ADAM22: variants seen among roughly 807,000 people sequenced by gnomAD.
The protein encoded by ADAM22 is disintegrin and metalloproteinase domain-containing protein 22.
Under a neutral mutation model 144.6 loss-of-function variants are expected in ADAM22, and 65 were observed. The observed-to-expected ratio is 0.45, with a 90% confidence interval of 0.37 to 0.55. ADAM22 has a LOEUF of 0.55. Among genes scored for constraint, ADAM22 ranks in the 20% least tolerant of loss-of-function variants. ADAM22 has a pLI of 0.00. For synonymous variants in ADAM22, 391 were observed against 412.6 expected, an observed-to-expected ratio of 0.95 and a Z score of 0.63; for missense variants, 974 against 1,184.9, an observed-to-expected ratio of 0.82 and a Z score of 2.61.
intron 16 of ADAM22, 48 bp from the exon 17 acceptor site, chr7:88,145,367 G>A: frequency 6.5e-7 from 1 of 1,540,498 alleles, no homozygotes; most frequent in Non-Finnish European, 8.9e-7. Context: ...TTACTTTCAG[G>A]AAAGTGACAC....
chr7:88,153,721 C>G (rs762868037), intron 21 of ADAM22, among the ~76,000 whole-genome samples: 1 of 152,248 alleles, frequency 6.6e-6, no homozygotes, highest in Admixed American at 6.5e-5. Context: ...TGTCTAGAAG[C>G]CTTAAAGTGA....
chr7:88,101,916 A>G (rs572050244), intron 4 of ADAM22, among the ~76,000 whole-genome samples: 1 of 152,324 alleles, frequency 6.6e-6, no homozygotes, highest in South Asian at 2.1e-4. Context: ...GTCTATAGGG[A>G]GGCTTGAGAA....
chr7:88,122,219 T>C (rs1222936189), intron 7 of ADAM22, among the ~76,000 whole-genome samples: 1 of 152,176 alleles, frequency 6.6e-6, no homozygotes, highest in Non-Finnish European at 1.5e-5. Context: ...CTTTCTCACA[T>C]AGGCCTCTCC....
chr7:88,007,591 G>A (rs1248765445), intron 3 of ADAM22, among the ~76,000 whole-genome samples: 39 of 152,146 alleles, frequency 2.6e-4, no homozygotes, highest in East Asian at 1.7e-3. Context: ...CAGAAATAAC[G>A]CCGCATATCT....
chr7:88,066,130 G>A (rs1266303807), intron 3 of ADAM22, among the ~76,000 whole-genome samples: 1 of 152,124 alleles, frequency 6.6e-6, no homozygotes, highest in Admixed American at 6.6e-5. Context: ...TCTCACTAAT[G>A]ATGGAATTGT....
chr7:88,117,430 G>A (rs572053268), intron 7 of ADAM22, among the ~76,000 whole-genome samples: 1 of 152,158 alleles, frequency 6.6e-6, no homozygotes, highest in Non-Finnish European at 1.5e-5. Context: ...ATTTATTTTA[G>A]GTTGAATAAA....
chr7:87,972,289 A>G (rs1418143807), intron 2 of ADAM22, among the ~76,000 whole-genome samples: 1 of 151,588 alleles, frequency 6.6e-6, no homozygotes, highest in Non-Finnish European at 1.5e-5. Context: ...TACACCAATA[A>G]CAGACAAACA....
intron 3 of ADAM22, among the ~76,000 whole-genome samples, chr7:88,052,427 G>A (rs148243088): frequency 1.1e-3 from 170 of 151,824 alleles, no homozygotes; most frequent in African/African-American, 3.9e-3. Context: ...GAGAACCCGG[G>A]AGGCGTAACT....
chr7:87,994,914 G>A (rs1584896340), intron 3 of ADAM22, among the ~76,000 whole-genome samples: 1 of 151,796 alleles, frequency 6.6e-6, no homozygotes, highest in East Asian at 1.9e-4. Flanking sequence ...TGCAAGCTCC[G>A]CCTCCCGGGT....
At chr7:87,973,760 G>GA (rs1039443051) in intron 2 of ADAM22, among the ~76,000 whole-genome samples, 5 of 152,122 alleles carry the variant, frequency 3.3e-5, no homozygotes, top group African/African-American at 1.2e-4. Flanking sequence ...ATGCAGCCAT[G>GA]AAAAATGATG....
chr7:87,984,144 C>T (rs958175750), intron 3 of ADAM22, among the ~76,000 whole-genome samples: 3 of 152,216 alleles, frequency 2.0e-5, no homozygotes, highest in African/African-American at 4.8e-5. Context: ...AAGCCCCTGC[C>T]GACATTCTTG....
chr7:88,131,644 ATGTT>A (rs1831808657), intron 11 of ADAM22: 1 of 556,216 alleles, frequency 1.8e-6, no homozygotes, highest in Non-Finnish European at 3.2e-6. Context: ...TTATTATTTA[ATGTT>A]TAATTTTTCA....
At chr7:87,993,645 T>G (rs1183294285) in intron 3 of ADAM22, among the ~76,000 whole-genome samples, 2 of 152,216 alleles carry the variant, frequency 1.3e-5, no homozygotes, top group Non-Finnish European at 2.9e-5. Context: ...CTGTGCAGTG[T>G]GGTCACCCTG....
At chr7:88,152,981 C>T (rs1446844404) in intron 20 of ADAM22, among the ~76,000 whole-genome samples, 1 of 152,008 alleles carries the variant, frequency 6.6e-6, no homozygotes, top group Non-Finnish European at 1.5e-5. Flanking sequence ...AGCCTGAGTC[C>T]CAACAGAGAA....
At chr7:88,089,326 C>T (rs180799898) in intron 4 of ADAM22, among the ~76,000 whole-genome samples, 2 of 152,172 alleles carry the variant, frequency 1.3e-5, no homozygotes, top group East Asian at 1.9e-4. Context: ...GTTATTAGTA[C>T]AGAGCTATCC....
chr7:88,153,171 G>A (rs968790179), intron 20 of ADAM22, 50 bp from the exon 21 acceptor site: 1 of 1,333,316 alleles, frequency 7.5e-7, no homozygotes, highest in African/African-American at 1.5e-5. Flanking sequence ...AAGCTTTTGA[G>A]CAGCCAAATC....
chr7:88,146,976 G>GT (rs1268472173), intron 17 of ADAM22, among the ~76,000 whole-genome samples: 35 of 152,152 alleles, frequency 2.3e-4, no homozygotes, highest in African/African-American at 8.4e-4. Context: ...TTCCACTGCC[G>GT]TAACAAGACA....
chr7:88,171,542 A>C lies in ADAM22; in HGVS notation c.2283-2A>C. The C allele has an allele frequency of 6.3e-7, 1 of 1,594,542 alleles. No homozygotes were observed. The highest frequency in any genetic ancestry group is 8.5e-7 in the Non-Finnish European group (1 of 1,172,692). ...CCTCTTTCTCTTCTTGTCCATGAAAAGAAACTATCGAGAACAGAGGTATGT... is the reference window on the plus strand; with the variant it reads ...CCTCTTTCTCTTCTTGTCCATGAAACGAAACTATCGAGAACAGAGGTATGT... On this transcript the variant is annotated splice_acceptor_variant, in intron 25 of 31. Coordinates refer to ENST00000413139, the MANE Select transcript of ADAM22 (RefSeq NM_001324418.2). LOFTEE classifies it high-confidence loss of function.
rs774350714 is a variant in ADAM22 at position 88,063,097 on chromosome 7, G to A, written c.324-12529G>A. Among the ~76,000 whole-genome samples the A allele has an allele frequency of 2.2e-4, 33 of 152,218 alleles. No individual in the cohort carries two copies. The Middle Eastern group carries it at 0.01, about 47-fold the overall frequency. On this transcript the variant is annotated intron_variant, in intron 3 of 31. Transcript: ENST00000413139. ...TGAGCATATGCTGTTGGAAAATGGC[G>A]CTGATAGACTTGCTTGGTGCCGGAT...
Sources: allele counts gnomAD v4.1 joint callset (sites outside exome capture counted in the v4.1 genomes callset), GRCh38; gene constraint gnomAD v4.1.1; transcripts MANE v1.5; gene names NCBI Gene and HGNC (gene_info 2026-07-23, HGNC 2026-07-21).